Variants in DNAH11 observed in about 807,000 individuals in gnomAD.
DNAH11 encodes the protein axonemal beta dynein heavy chain 11.
A neutral mutation model predicts 526.0 loss-of-function variants in DNAH11; 442 were observed. That is an observed-to-expected ratio of 0.84 (90% CI 0.78 to 0.91). DNAH11 has a LOEUF of 0.91. DNAH11 is among the 40% of genes least tolerant of loss of function. The pLI, the probability that DNAH11 is intolerant of heterozygous loss-of-function variation, is 0.00. For missense variants in DNAH11, 6,989 were observed against 5,448.7 expected, an observed-to-expected ratio of 1.28 and a Z score of -8.90; for synonymous variants, 2,461 against 1,935.9, an observed-to-expected ratio of 1.27 and a Z score of -7.12.
chr7:21,850,399 TTTTGTTACG>T (rs1782585120), intron 66 of DNAH11, among the ~76,000 whole-genome samples: 1 of 151,574 alleles, frequency 6.6e-6, no homozygotes, highest in African/African-American at 2.4e-5. Context: ...AATTCTTCAT[TTTTGTTACG>T]TTGTTTTTTA....
chr7:21,786,610 G>C lies in DNAH11; in HGVS notation c.9598-14G>C. 6.2e-7 allele frequency: 1 copy of C among 1,605,890 alleles called. No homozygotes were observed. The highest frequency in any genetic ancestry group is 8.5e-7 in the Non-Finnish European group (1 of 1,174,310). ...ATCCTGTCTGTGTACGTGTTTCTGT[G>C]TGCTTTTCTTCAGGTCAACCTCAGT... On this transcript the variant is annotated splice_polypyrimidine_tract_variant and intron_variant, in intron 58 of 81. Transcript: ENST00000409508.
chr7:21,570,076 C>T lies in DNAH11; in HGVS notation c.1202C>T (p.Ala401Val). The T allele has an allele frequency of 1.2e-6, 2 of 1,601,788 alleles. No individual in the cohort carries two copies. Among genetic ancestry groups the T allele is most frequent in the East Asian group, 2.2e-5 (1 of 44,558 alleles). The stretch of plus-strand genomic sequence containing the variant: ...CCTTTCATTAAATCCTAGGCAACAG[C>T]TTACCTTTCACCTGAGGACCTTTTG... ...FCNLFINQAT[A>V]YLSPEDLLRG... Residue 401 changes from alanine (A) to valine (V), a missense_variant, in exon 7 of 82, where the codon GCT becomes GTT. Ala to Val is a moderately conservative substitution (Grantham distance 64). Coordinates refer to ENST00000409508, the MANE Select transcript of DNAH11 (RefSeq NM_001277115.2).
intron 61 of DNAH11, among the ~76,000 whole-genome samples, chr7:21,800,751 C>G (rs1788950361): frequency 1.3e-5 from 2 of 152,170 alleles, no homozygotes. Flanking sequence ...GGTGGAGAAA[C>G]CAAACAAGTC....
rs139339591 is a variant in DNAH11 at position 21,889,351 on chromosome 7, G to C, written c.12508-3074G>C. On this transcript the variant is annotated intron_variant, in intron 76 of 81. Coordinates refer to ENST00000409508, the MANE Select transcript of DNAH11 (RefSeq NM_001277115.2). ...TGGCTATTATGAATAATGCTGCTAT[G>C]AACTTTTATGTACAAATTTTGTGTG... 5.0e-4 allele frequency among the ~76,000 whole-genome samples: 76 copies of C among 152,300 alleles called. No individual in the cohort carries two copies. The East Asian group carries it at 0.013, about 27-fold the overall frequency.
At chr7:21,612,161 C>G (rs889052643) in intron 20 of DNAH11, among the ~76,000 whole-genome samples, 2 of 152,068 alleles carry the variant, frequency 1.3e-5, no homozygotes, top group African/African-American at 2.4e-5. Context: ...AAAACTGTCT[C>G]AGTAAATCTG....
At chr7:21,807,485 C>T (rs917575757) in intron 62 of DNAH11, among the ~76,000 whole-genome samples, 1 of 152,124 alleles carries the variant, frequency 6.6e-6, no homozygotes, top group African/African-American at 2.4e-5. Context: ...GGTGATAGAG[C>T]CAGACCCTGT....
At chr7:21,587,306 C>T (rs988719172) in intron 9 of DNAH11, among the ~76,000 whole-genome samples, 5 of 152,072 alleles carry the variant, frequency 3.3e-5, no homozygotes, top group Non-Finnish European at 7.3e-5. Flanking sequence ...TTGTGAGACT[C>T]GACTCCTGCT....
chr7:21,856,868 C>A (rs1353574251), intron 68 of DNAH11, among the ~76,000 whole-genome samples: 1 of 152,018 alleles, frequency 6.6e-6, no homozygotes, highest in Admixed American at 6.6e-5. Context: ...AAAATCTACA[C>A]CAACATTATA....
At chr7:21,658,422 C>A (rs1337289749) in intron 29 of DNAH11, among the ~76,000 whole-genome samples, 2 of 152,044 alleles carry the variant, frequency 1.3e-5, no homozygotes, top group Non-Finnish European at 2.9e-5. Context: ...CTATAGGTGT[C>A]TGTGATGTTT....
Position 21,739,562 on chromosome 7 carries a change from G to A in DNAH11, c.7812-9G>A. 1.9e-6 allele frequency: 3 copies of A among 1,606,626 alleles called. No individual in the cohort carries two copies. Among genetic ancestry groups the A allele is most frequent in the Non-Finnish European group, 2.5e-6 (3 of 1,176,906 alleles). On this transcript the variant is annotated splice_polypyrimidine_tract_variant and intron_variant, in intron 47 of 81. Coordinates refer to ENST00000409508, the MANE Select transcript of DNAH11 (RefSeq NM_001277115.2). The stretch of plus-strand genomic sequence containing the variant: ...TTTTGGATTTAAGGTTCTGTTTTCT[G>A]TCTTTCAGGTATGATAGACAGAAGG...
intron 69 of DNAH11, among the ~76,000 whole-genome samples, chr7:21,863,814 A>G (rs1226184066): frequency 2.6e-5 from 4 of 152,228 alleles, no homozygotes; most frequent in Non-Finnish European, 4.4e-5. Context: ...AATATCTAAT[A>G]AAATATTTTA....
At chr7:21,563,781 T>C (rs911681409) in intron 5 of DNAH11, among the ~76,000 whole-genome samples, 1 of 152,204 alleles carries the variant, frequency 6.6e-6, no homozygotes, top group African/African-American at 2.4e-5. Flanking sequence ...ATTGTGCTCA[T>C]ACCAAGTTCC....
At chr7:21,619,061 ATG>A (rs748619757) in intron 23 of DNAH11, 37 bp from the exon 24 acceptor site, 14 of 1,611,802 alleles carry the variant, frequency 8.7e-6, no homozygotes, top group Non-Finnish European at 1.2e-5. Flanking sequence ...CCGTTCATAT[ATG>A]TGGAATATAA....
rs560720814 is a variant in DNAH11, at chr7:21,592,015, A to G, written c.2667+438A>G. Among the ~76,000 whole-genome samples the G allele has an allele frequency of 3.9e-5, 6 of 152,328 alleles. No individual in the cohort carries two copies. The East Asian group carries it at 1.2e-3, about 29-fold the overall frequency. On this transcript the variant is annotated intron_variant, in intron 14 of 81. Coordinates refer to ENST00000409508, the MANE Select transcript of DNAH11 (RefSeq NM_001277115.2). ...TAACAAAGATTTGAGTTCCTAAAACAGTAACAGGCACTCATCTAGGCTTGT... is the reference window on the plus strand; with the variant it reads ...TAACAAAGATTTGAGTTCCTAAAACGGTAACAGGCACTCATCTAGGCTTGT...
intron 30 of DNAH11, among the ~76,000 whole-genome samples, chr7:21,664,094 C>T (rs1266306024): frequency 6.7e-6 from 1 of 149,846 alleles, no homozygotes; most frequent in Admixed American, 6.6e-5. Flanking sequence ...ATACCCAATT[C>T]ATCAGTTTAA....
intron 35 of DNAH11, among the ~76,000 whole-genome samples, chr7:21,696,781 C>G (rs1470954411): frequency 6.6e-6 from 1 of 152,090 alleles, no homozygotes; most frequent in Non-Finnish European, 1.5e-5. Flanking sequence ...CAGTCTGCCT[C>G]TCTGTAAAAT....
At chr7:21,845,402 G>T (rs1782380905) in intron 66 of DNAH11, among the ~76,000 whole-genome samples, 1 of 151,716 alleles carries the variant, frequency 6.6e-6, no homozygotes, top group African/African-American at 2.4e-5. Flanking sequence ...GTGAAGTAGG[G>T]GTGCACCTTC....
At chr7:21,735,612 CTT>C in intron 45 of DNAH11, 26 bp from the exon 46 acceptor site, 1 of 1,552,018 alleles carries the variant, frequency 6.4e-7, no homozygotes, top group Non-Finnish European at 8.7e-7. Context: ...TCTTTCTGAT[CTT>C]TGTCTCATTC....
chr7:21,586,891 C>G (rs113550035), intron 9 of DNAH11, among the ~76,000 whole-genome samples: 8 of 152,296 alleles, frequency 5.3e-5, no homozygotes, highest in African/African-American at 1.9e-4. Flanking sequence ...TGAGAAGCTA[C>G]ACACTGAAGC....
Sources: gnomAD v4.1 joint callset for allele counts (sites outside exome capture counted in the v4.1 genomes callset) on GRCh38, gnomAD v4.1.1 for gene constraint, MANE v1.5 for transcripts, NCBI Gene and HGNC (gene_info 2026-07-23, HGNC 2026-07-21) for gene names.